Variants in PAK5 observed in about 807,000 individuals in gnomAD.
The protein encoded by PAK5 is p21 (RAC1) activated kinase 5.
Under a neutral mutation model 65.9 loss-of-function variants are expected in PAK5, and 16 were observed. That is an observed-to-expected ratio of 0.24 (90% confidence interval 0.16 to 0.37). The LOEUF (loss-of-function observed/expected upper bound fraction) is 0.37, where lower values mean the gene tolerates loss of function less well. PAK5 is among the 10% of genes least tolerant of loss of function. The pLI is 1.00. For synonymous variants in PAK5, 371 were observed against 354.9 expected (o/e 1.05, Z -0.51); for missense variants, 785 against 903.9 (o/e 0.87, Z 1.69).
At chr20:9,803,362 C>A (rs186098061) in intron 1 of PAK5, among the ~76,000 whole-genome samples, 12 of 152,178 alleles carry the variant, frequency 7.9e-5, no homozygotes, top group East Asian at 3.9e-4. Context: ...AAGGGCACAT[C>A]CAAGCACACA....
At chr20:9,760,937 G>A (rs1008976031) in intron 1 of PAK5, among the ~76,000 whole-genome samples, 1 of 151,994 alleles carries the variant, frequency 6.6e-6, no homozygotes, top group Non-Finnish European at 1.5e-5. Flanking sequence ...GCCTCCCAAA[G>A]TGAAACATTG....
intron 2 of PAK5, 59 bp downstream of exon 2, chr20:9,711,227 T>C (rs1325728201): frequency 6.6e-6 from 1 of 152,178 alleles, no homozygotes; most frequent in Non-Finnish European, 1.5e-5. Flanking sequence ...GTTTTTAGTA[T>C]TGTTTAATTT....
At chr20:9,791,989 C>T (rs571067480) in intron 1 of PAK5, among the ~76,000 whole-genome samples, 1 of 152,252 alleles carries the variant, frequency 6.6e-6, no homozygotes, top group South Asian at 2.1e-4. Flanking sequence ...ATAGAACACC[C>T]TCTTCCCTCC....
intron 3 of PAK5, among the ~76,000 whole-genome samples, chr20:9,598,123 GC>G (rs368176986): frequency 4.6e-5 from 7 of 152,130 alleles, no homozygotes; most frequent in African/African-American, 1.7e-4. Context: ...CCCATGACAG[GC>G]CCAGTGTGTG....
chr20:9,662,716 C>A (rs1382594639), intron 2 of PAK5, among the ~76,000 whole-genome samples: 1 of 152,116 alleles, frequency 6.6e-6, no homozygotes, highest in East Asian at 1.9e-4. Context: ...CTGGACTAAG[C>A]TAATGAAGTT....
intron 1 of PAK5, among the ~76,000 whole-genome samples, chr20:9,719,162 G>C: frequency 6.6e-6 from 1 of 152,114 alleles, no homozygotes; most frequent in African/African-American, 2.4e-5. Context: ...AACTTTTGGT[G>C]CATAGAAAAC....
At chr20:9,607,120 T>C (rs1252595007) in intron 3 of PAK5, among the ~76,000 whole-genome samples, 1 of 152,104 alleles carries the variant, frequency 6.6e-6, no homozygotes, top group Non-Finnish European at 1.5e-5. Context: ...AACGTTGGAG[T>C]TGAAAAGCCT....
Position 9,552,888 on chromosome 20 carries a change from T to C in PAK5, c.1743+4720A>G, listed in dbSNP as rs562009135. On this transcript the variant is annotated intron_variant, in intron 7 of 9. Coordinates refer to ENST00000353224, the MANE Select transcript of PAK5 (RefSeq NM_177990.4). ...GACAAATGCCACCATATCCAGCTAATTTTTTAGTTTTCTGGTAGAGATGAG... is the reference window on the plus strand; with the variant it reads ...GACAAATGCCACCATATCCAGCTAACTTTTTAGTTTTCTGGTAGAGATGAG... Among the ~76,000 whole-genome samples, 17 of 152,050 alleles carry C rather than the reference T, an allele frequency of 1.1e-4. No homozygotes were observed. The East Asian group carries it at 3.1e-3, about 28-fold the overall frequency.
intron 4 of PAK5, among the ~76,000 whole-genome samples, chr20:9,572,684 C>G (rs2045811265): frequency 6.6e-6 from 1 of 152,178 alleles, no homozygotes; most frequent in Admixed American, 6.5e-5. Flanking sequence ...ACCCATGATC[C>G]AAACCATTTC....
chr20:9,778,351 C>A (rs1419190873), intron 1 of PAK5, among the ~76,000 whole-genome samples: 2 of 152,124 alleles, frequency 1.3e-5, no homozygotes, highest in Non-Finnish European at 2.9e-5. Context: ...GATTCTCTCA[C>A]CTCGGCCTCC....
At chr20:9,648,673 C>A (rs1225243932) in intron 2 of PAK5, among the ~76,000 whole-genome samples, 1 of 152,110 alleles carries the variant, frequency 6.6e-6, no homozygotes, top group Admixed American at 6.5e-5. Context: ...ATCGCCCTTT[C>A]ATAGAAGAGG....
At chr20:9,654,393 C>T (rs1344605263) in intron 2 of PAK5, among the ~76,000 whole-genome samples, 1 of 152,156 alleles carries the variant, frequency 6.6e-6, no homozygotes, top group African/African-American at 2.4e-5. Context: ...TTATTAGCAA[C>T]CTTAATTCCC....
intron 2 of PAK5, among the ~76,000 whole-genome samples, chr20:9,701,181 T>G (rs553495092): frequency 1.3e-4 from 20 of 152,254 alleles, no homozygotes; most frequent in Admixed American, 4.6e-4. Flanking sequence ...TCTATATATA[T>G]AGAGATAGCA....
At chr20:9,578,897 T>C (rs932582030) in intron 4 of PAK5, among the ~76,000 whole-genome samples, 1 of 152,180 alleles carries the variant, frequency 6.6e-6, no homozygotes, top group African/African-American at 2.4e-5. Context: ...ACTATGTGAA[T>C]TTTAACTGGA....
chr20:9,728,449 T>C (rs1028804680), intron 1 of PAK5, among the ~76,000 whole-genome samples: 1 of 152,192 alleles, frequency 6.6e-6, no homozygotes, highest in East Asian at 1.9e-4. Context: ...TACTAACCCA[T>C]GCATGTGCAC....
intron 1 of PAK5, among the ~76,000 whole-genome samples, chr20:9,831,890 T>A (rs1167226316): frequency 1.3e-5 from 2 of 152,198 alleles, no homozygotes; most frequent in African/African-American, 4.8e-5. Flanking sequence ...CCTAACTTTT[T>A]AATTTTGTTC....
chr20:9,705,442 A>G (rs563967047), intron 2 of PAK5, among the ~76,000 whole-genome samples: 2 of 152,350 alleles, frequency 1.3e-5, no homozygotes, highest in South Asian at 2.1e-4. Flanking sequence ...ATGGTGTTCA[A>G]AGGGAATAGT....
intron 3 of PAK5, among the ~76,000 whole-genome samples, chr20:9,621,361 T>C (rs1208058560): frequency 2.2e-5 from 3 of 135,624 alleles, no homozygotes; most frequent in Non-Finnish European, 4.7e-5. Context: ...AGGACCTGAA[T>C]AGACAGCTTA....
Position 9,770,300 on chromosome 20 carries a change from G to C in PAK5, c.-161-58865C>G, listed in dbSNP as rs541795106. On this transcript the variant is annotated intron_variant, in intron 1 of 9. Coordinates refer to ENST00000353224, the MANE Select transcript of PAK5 (RefSeq NM_177990.4). ...TGACAGTGCGATGATGGGGACATGG[G>C]GATGTCTCATTCTGATGGCTTCTAT... is the stretch of plus-strand genomic sequence containing the variant. Among the ~76,000 whole-genome samples, 4 of 152,258 alleles carry C rather than the reference G, an allele frequency of 2.6e-5. No homozygotes were observed. In the South Asian group the frequency reaches 6.2e-4, roughly 24 times the overall value.
Sources: gnomAD v4.1 joint callset for allele counts (sites outside exome capture counted in the v4.1 genomes callset) on GRCh38, gnomAD v4.1.1 for gene constraint, MANE v1.5 for transcripts, NCBI Gene and HGNC (gene_info 2026-07-23, HGNC 2026-07-21) for gene names.